The following CHRM3 variants were observed in gnomAD, a reference collection of about 807,000 sequenced individuals.
CHRM3 encodes the protein cholinergic receptor muscarinic 3, also known as muscarinic acetylcholine receptor M3.
CHRM3 carries 11 observed loss-of-function variants against 41.8 expected under a neutral mutation model. That is an observed-to-expected ratio of 0.26 (90% CI 0.17 to 0.44). The LOEUF (loss-of-function observed/expected upper bound fraction) is 0.44. Ranked by LOEUF, CHRM3 falls within the 20% of genes least tolerant of loss-of-function variation. The probability of loss-of-function intolerance (pLI) is 1.00; values close to 1 mark genes in which losing one functional copy is unlikely to be tolerated. For missense variants in CHRM3, 571 were observed against 745.4 expected (o/e 0.77, Z 2.72); for synonymous variants, 297 against 301.4 (o/e 0.99, Z 0.15).
intron 1 of CHRM3, among the ~76,000 whole-genome samples, chr1:239,485,494 G>T (rs1558258379): frequency 6.6e-6 from 1 of 152,060 alleles, no homozygotes; most frequent in South Asian, 2.1e-4. Flanking sequence ...ATATTGCCCA[G>T]GCTAGTCTTG....
chr1:239,888,215 A>T (rs543106813), intron 6 of CHRM3, among the ~76,000 whole-genome samples: 3 of 151,954 alleles, frequency 2.0e-5, no homozygotes, highest in African/African-American at 7.3e-5. Flanking sequence ...AGAATGCAAA[A>T]AAGTAGCCAG....
chr1:239,671,648 A>G (rs1674378749), intron 4 of CHRM3, among the ~76,000 whole-genome samples: 2 of 151,772 alleles, frequency 1.3e-5, no homozygotes, highest in African/African-American at 4.8e-5. Flanking sequence ...TTGTCCCATT[A>G]TTGAAAACAG....
At chr1:239,893,575 G>A (rs1318616494) in intron 6 of CHRM3, among the ~76,000 whole-genome samples, 1 of 152,074 alleles carries the variant, frequency 6.6e-6, no homozygotes. Context: ...TATGGCTATT[G>A]TGTGGATGAA....
In CHRM3 at chr1:239,545,764, A is replaced by G. The variant is rs1659227409; in HGVS notation, c.-313+15A>G. 1 of 152,130 alleles carries G rather than the reference A, an allele frequency of 6.6e-6. No individual in the cohort carries two copies. Among genetic ancestry groups the G allele is most frequent in the South Asian group, 2.1e-4 (1 of 4,830 alleles). The allele number at this position is 152,130 out of a possible 1,614,324, so 9.4% of individuals were successfully genotyped here. A position where few individuals can be genotyped will look rare whatever the true frequency, so the allele number is the denominator to read the frequency against. Reference sequence around the variant, plus strand: ...TCTCTTCACTAGTAGGTATTTTTTTAATTAATATCATGTACACAGTTATAT... The same window carrying G: ...TCTCTTCACTAGTAGGTATTTTTTTGATTAATATCATGTACACAGTTATAT... On this transcript the variant is annotated intron_variant, in intron 3 of 6. Transcript: ENST00000676153.
intron 6 of CHRM3, among the ~76,000 whole-genome samples, chr1:239,832,621 T>C (rs986741974): frequency 2.0e-5 from 3 of 151,748 alleles, no homozygotes; most frequent in African/African-American, 7.3e-5. Flanking sequence ...GAAAGTAAAA[T>C]GGTGAAAGAA....
chr1:239,643,555 C>T (rs1322554983), intron 4 of CHRM3, among the ~76,000 whole-genome samples: 1 of 152,320 alleles, frequency 6.6e-6, no homozygotes, highest in African/African-American at 2.4e-5. Context: ...ACTCCGTGGG[C>T]GTAGGACCCT....
chr1:239,430,403 T>G (rs1662740132), intron 1 of CHRM3, among the ~76,000 whole-genome samples: 1 of 152,164 alleles, frequency 6.6e-6, no homozygotes, highest in Admixed American at 6.5e-5. Context: ...TTTTAAAAAC[T>G]CTTGCAAATC....
intron 4 of CHRM3, among the ~76,000 whole-genome samples, chr1:239,642,329 G>A (rs1027514620): frequency 7.2e-5 from 11 of 151,906 alleles, no homozygotes; most frequent in African/African-American, 2.7e-4. Context: ...CTAGATTGGG[G>A]AAGTTCTCCT....
Position 239,404,388 on chromosome 1 carries a change from GAAAGAAAGAAAGAAAGAAAGAAAAAGAA to G in CHRM3, c.-521+17163_-521+17190del, listed in dbSNP as rs879596133. 2.8e-3 allele frequency among the ~76,000 whole-genome samples: 203 copies of G among 72,904 alleles called. 2 individuals carry two copies. Among genetic ancestry groups the G allele is most frequent in the Admixed American group, 5.9e-3 (32 of 5,464 alleles). The allele number at this position is 72,904 out of a possible 152,430, so 47.8% of individuals were successfully genotyped here. On this transcript the variant is annotated intron_variant, in intron 1 of 6. Transcript: ENST00000676153. ...AGAAAGAAAGAAAGAAAGAAAGAAA[GAAAGAAAGAAAGAAAGAAAGAAAAAGAA>G]AGAAAGAAAGAAAGAAAGAAAGAAA... is the stretch of plus-strand genomic sequence containing the variant.
At chr1:239,707,380 A>T (rs1055601171) in intron 5 of CHRM3, 2 of 152,216 alleles carry the variant, frequency 1.3e-5, no homozygotes, top group African/African-American at 4.8e-5. Flanking sequence ...ATGGAAAAAC[A>T]CACAGCCGTT....
At chr1:239,764,545 GT>G (rs1667050815) in intron 5 of CHRM3, among the ~76,000 whole-genome samples, 1 of 152,160 alleles carries the variant, frequency 6.6e-6, no homozygotes, top group Non-Finnish European at 1.5e-5. Flanking sequence ...TGGAATAGGG[GT>G]TTGAGGAAAC....
intron 2 of CHRM3, among the ~76,000 whole-genome samples, chr1:239,519,046 T>G (rs1669456211): frequency 6.6e-6 from 1 of 152,176 alleles, no homozygotes; most frequent in Non-Finnish European, 1.5e-5. Context: ...AAAGTCTCTA[T>G]TTTTTTCAGC....
chr1:239,912,202 C>G lies in CHRM3; in HGVS notation c.*2978C>G, dbSNP rs1285653072. On this transcript the variant is annotated 3_prime_UTR_variant, in exon 7 of 7. Transcript: ENST00000676153. Reference sequence around the variant, plus strand: ...TCTCTCTCTCACAAGCACACACACACACACTCAATCTCCATTCTCCAGGCA... The same window carrying G: ...TCTCTCTCTCACAAGCACACACACAGACACTCAATCTCCATTCTCCAGGCA... 1 of 166,984 alleles carries G rather than the reference C, an allele frequency of 6.0e-6. No homozygotes were observed. Among genetic ancestry groups the G allele is most frequent in the Non-Finnish European group, 1.5e-5 (1 of 68,168 alleles). The allele number at this position is 166,984 out of a possible 1,614,324, so 10.3% of individuals were successfully genotyped here. A position where few individuals can be genotyped will look rare whatever the true frequency, so the allele number is the denominator to read the frequency against.
At chr1:239,731,539 A>AT (rs1169878253) in intron 5 of CHRM3, among the ~76,000 whole-genome samples, 3 of 151,958 alleles carry the variant, frequency 2.0e-5, no homozygotes, top group Middle Eastern at 3.4e-3. Context: ...ATTTGTATGC[A>AT]TTTTTTTCAT....
At chr1:239,657,096 A>T (rs1206416237) in intron 4 of CHRM3, among the ~76,000 whole-genome samples, 1 of 152,206 alleles carries the variant, frequency 6.6e-6, no homozygotes, top group Non-Finnish European at 1.5e-5. Context: ...AGGGTTCTTC[A>T]CAAGAAAAGC....
Position 239,610,078 on chromosome 1 carries a change from A to G in CHRM3, c.-312-22146A>G, listed in dbSNP as rs897104337. Among the ~76,000 whole-genome samples, 6 of 150,078 alleles carry G rather than the reference A, an allele frequency of 4.0e-5. 1 individual carries two copies. The Admixed American group carries it at 4.0e-4, about 10-fold the overall frequency. Reference sequence around the variant, plus strand: ...TGTGGTGGCGGGTGCCTGTAGTCCCAGCTACTCAGGAGGCTGAGGCAGGAG... The same window carrying G: ...TGTGGTGGCGGGTGCCTGTAGTCCCGGCTACTCAGGAGGCTGAGGCAGGAG... On this transcript the variant is annotated intron_variant, in intron 3 of 6. Transcript: ENST00000676153.
intron 6 of CHRM3, among the ~76,000 whole-genome samples, chr1:239,847,980 A>G (rs1038720550): frequency 1.2e-4 from 18 of 151,962 alleles, no homozygotes; most frequent in Admixed American, 9.8e-4. Context: ...AGAAAAGAAT[A>G]ACTGTGTGGA....
At chr1:239,435,883 TG>T (rs987907976) in intron 1 of CHRM3, among the ~76,000 whole-genome samples, 35 of 152,194 alleles carry the variant, frequency 2.3e-4, no homozygotes, top group African/African-American at 6.8e-4. Flanking sequence ...TTCTCTGCTC[TG>T]GGCCACAGGC....
At chr1:239,436,295 A>T (rs1663262982) in intron 1 of CHRM3, among the ~76,000 whole-genome samples, 1 of 152,102 alleles carries the variant, frequency 6.6e-6, no homozygotes, top group Admixed American at 6.5e-5. Context: ...CCCGCATCTG[A>T]GGGATGCAAG....
Sources: gnomAD v4.1 joint callset for allele counts (sites outside exome capture counted in the v4.1 genomes callset) on GRCh38, gnomAD v4.1.1 for gene constraint, MANE v1.5 for transcripts, NCBI Gene and HGNC (gene_info 2026-07-23, HGNC 2026-07-21) for gene names.